REEP3: variants seen among roughly 807,000 people sequenced by gnomAD.
The protein encoded by REEP3 is receptor expression-enhancing protein 3.
Under a neutral mutation model 41.3 loss-of-function variants are expected in REEP3, and 20 were observed. The ratio of observed to expected loss-of-function variants is 0.48; its 90% CI spans 0.34 to 0.70. The LOEUF (loss-of-function observed/expected upper bound fraction) is 0.70. Ranked by LOEUF, REEP3 falls within the 30% of genes least tolerant of loss-of-function variation. The pLI is 0.01. For missense variants in REEP3, 271 were observed against 308.8 expected (o/e 0.88, Z 0.92); for synonymous variants, 104 against 101.8 (o/e 1.02, Z -0.13).
At chr10:63,615,100 A>G (rs1305040923) in intron 6 of REEP3, among the ~76,000 whole-genome samples, 1 of 152,178 alleles carries the variant, frequency 6.6e-6, no homozygotes. Context: ...TAATAAGTAG[A>G]TGATGAAATG....
chr10:63,594,215 A>C (rs1355709168), intron 2 of REEP3, among the ~76,000 whole-genome samples: 1 of 66,684 alleles, frequency 1.5e-5, no homozygotes, highest in Admixed American at 2.1e-4. Context: ...TCATCTCTAC[A>C]AAAAAAAAAA....
intron 1 of REEP3, among the ~76,000 whole-genome samples, chr10:63,565,322 T>A (rs2091797496): frequency 6.6e-6 from 1 of 152,212 alleles, no homozygotes; most frequent in Non-Finnish European, 1.5e-5. Flanking sequence ...AAAAAACTTC[T>A]GTGCCATATT....
intron 2 of REEP3, among the ~76,000 whole-genome samples, chr10:63,585,459 G>T (rs1285936486): frequency 1.3e-5 from 2 of 152,074 alleles, no homozygotes; most frequent in African/African-American, 2.4e-5. Flanking sequence ...AATACTAGTA[G>T]TTATATATTA....
At chr10:63,549,389 G>A (rs1003821322) in intron 1 of REEP3, among the ~76,000 whole-genome samples, 1 of 152,172 alleles carries the variant, frequency 6.6e-6, no homozygotes. Context: ...ATAACATAGT[G>A]AGACCCCATC....
At position 63,620,932 on chromosome 10, in the gene REEP3, A is replaced by G. The variant is rs1435163447; in HGVS notation, c.*63A>G. 6 of 1,015,610 alleles carry G rather than the reference A, an allele frequency of 5.9e-6. No individual in the cohort carries two copies. The highest frequency in any genetic ancestry group is 3.2e-5 in the African/African-American group (2 of 62,630). The allele number at this position is 1,015,610 out of a possible 1,614,324, so 62.9% of individuals were successfully genotyped here. On this transcript the variant is annotated 3_prime_UTR_variant, in exon 8 of 8. Transcript: ENST00000373758. Reference sequence around the variant, plus strand: ...AAATACATCGACTTCATCTTCTAACATGATATATTCAGGATTTACACATTA... The same window carrying G: ...AAATACATCGACTTCATCTTCTAACGTGATATATTCAGGATTTACACATTA...
intron 1 of REEP3, among the ~76,000 whole-genome samples, chr10:63,527,512 A>C (rs1210221932): frequency 6.6e-6 from 1 of 151,892 alleles, no homozygotes; most frequent in Non-Finnish European, 1.5e-5. Context: ...TCTCTACAAA[A>C]AATACAAAAA....
intron 2 of REEP3, among the ~76,000 whole-genome samples, chr10:63,571,305 G>A (rs977825032): frequency 2.0e-5 from 3 of 152,140 alleles, no homozygotes; most frequent in Admixed American, 6.5e-5. Flanking sequence ...TTAGAACAAC[G>A]TAAATTTATT....
At chr10:63,532,808 G>A (rs141144786) in intron 1 of REEP3, among the ~76,000 whole-genome samples, 103 of 152,282 alleles carry the variant, frequency 6.8e-4, no homozygotes, top group African/African-American at 2.4e-3. Context: ...AGAAGGCTGA[G>A]GTGGAAGGAT....
chr10:63,582,734 C>T (rs1223476269), intron 2 of REEP3, among the ~76,000 whole-genome samples: 1 of 151,904 alleles, frequency 6.6e-6, no homozygotes, highest in Non-Finnish European at 1.5e-5. Context: ...AATCACCCAC[C>T]CTTCTTTCAT....
chr10:63,525,576 G>A (rs1233374513), intron 1 of REEP3, among the ~76,000 whole-genome samples: 3 of 152,034 alleles, frequency 2.0e-5, no homozygotes, highest in African/African-American at 7.2e-5. Flanking sequence ...GTGCTACCAT[G>A]CCCAGCTAAT....
chr10:63,618,066 T>A (rs1158337769), intron 6 of REEP3, among the ~76,000 whole-genome samples: 2 of 151,562 alleles, frequency 1.3e-5, no homozygotes, highest in East Asian at 3.9e-4. Flanking sequence ...CCTCAGGTGA[T>A]CCGCCCACCT....
intron 6 of REEP3, among the ~76,000 whole-genome samples, chr10:63,610,926 G>A (rs1456194083): frequency 6.6e-6 from 1 of 152,142 alleles, no homozygotes; most frequent in East Asian, 1.9e-4. Context: ...AAAAAAATTA[G>A]CTGGGCGTGG....
chr10:63,578,569 G>A (rs1272784597), intron 2 of REEP3, among the ~76,000 whole-genome samples: 1 of 151,920 alleles, frequency 6.6e-6, no homozygotes, highest in Admixed American at 6.6e-5. Flanking sequence ...GAGTCCAGGA[G>A]TTTGAGACCA....
At chr10:63,583,373 T>G (rs1955973212) in intron 2 of REEP3, among the ~76,000 whole-genome samples, 1 of 152,208 alleles carries the variant, frequency 6.6e-6, no homozygotes, top group Non-Finnish European at 1.5e-5. Flanking sequence ...TCTTGACATT[T>G]AAATACTTAC....
chr10:63,538,175 T>C (rs1955493136), intron 1 of REEP3, among the ~76,000 whole-genome samples: 1 of 152,238 alleles, frequency 6.6e-6, no homozygotes, highest in Non-Finnish European at 1.5e-5. Context: ...CTGCTTCTTA[T>C]TTTTCATGAT....
At chr10:63,615,333 T>TTTTTTGTTTTTG (rs575422390) in intron 6 of REEP3, among the ~76,000 whole-genome samples, 1 of 152,120 alleles carries the variant, frequency 6.6e-6, no homozygotes, top group African/African-American at 2.4e-5. Context: ...AGAAAATGTT[T>TTTTTTGTTTTTG]TTTTTGTTTT....
intron 2 of REEP3, among the ~76,000 whole-genome samples, chr10:63,568,827 T>A (rs1167147176): frequency 5.3e-5 from 8 of 151,860 alleles, no homozygotes; most frequent in African/African-American, 1.9e-4. Context: ...AGCTAATTTT[T>A]TTTTTTATTA....
At chr10:63,535,376 T>C (rs1955465150) in intron 1 of REEP3, among the ~76,000 whole-genome samples, 1 of 152,132 alleles carries the variant, frequency 6.6e-6, no homozygotes, top group Admixed American at 6.5e-5. Flanking sequence ...AAATGTATAG[T>C]TTATGTTAAT....
At position 63,569,330 on chromosome 10, in the gene REEP3, A is replaced by G. The variant is rs556356069; in HGVS notation, c.105+2920A>G. Among the ~76,000 whole-genome samples, 13 of 152,272 alleles carry G rather than the reference A, an allele frequency of 8.5e-5. 1 individual carries two copies. In the South Asian group the frequency reaches 2.7e-3, roughly 32 times the overall value. ...TCAATGTACAGTTGAAGTACAGGGT[A>G]TTATGTCTCTCAACATTGGGCCCAT... On this transcript the variant is annotated intron_variant, in intron 2 of 7. Coordinates refer to ENST00000373758, the MANE Select transcript of REEP3 (RefSeq NM_001001330.3).
Sources: allele counts gnomAD v4.1 joint callset (sites outside exome capture counted in the v4.1 genomes callset), GRCh38; gene constraint gnomAD v4.1.1; transcripts MANE v1.5; gene names NCBI Gene and HGNC (gene_info 2026-07-23, HGNC 2026-07-21).